The following TMTC2 variants were observed in gnomAD, a reference collection of about 807,000 sequenced individuals.
TMTC2 encodes protein O-mannosyl-transferase TMTC2.
In TMTC2, 43 loss-of-function variants were observed where a neutral mutation model predicts 82.4. The observed-to-expected ratio is 0.52, with a 90% CI of 0.41 to 0.67. The LOEUF is 0.67. Ranked by LOEUF, TMTC2 falls within the 30% of genes least tolerant of loss-of-function variation. The probability of loss-of-function intolerance (pLI) is 0.00; values close to 1 mark genes in which losing one functional copy is unlikely to be tolerated. For synonymous variants in TMTC2, 408 were observed against 381.9 expected (o/e 1.07, Z -0.80); for missense variants, 919 against 1,012.4 (o/e 0.91, Z 1.25).
At chr12:82,985,289 C>T (rs867317280) in intron 7 of TMTC2, among the ~76,000 whole-genome samples, 1 of 152,070 alleles carries the variant, frequency 6.6e-6, no homozygotes, top group Non-Finnish European at 1.5e-5. Context: ...TAGACTCAAG[C>T]TATCCGCCTG....
At chr12:82,830,999 G>T (rs1187971483) in intron 1 of TMTC2, among the ~76,000 whole-genome samples, 2 of 152,154 alleles carry the variant, frequency 1.3e-5, no homozygotes, top group Non-Finnish European at 2.9e-5. Flanking sequence ...AATAGATTTA[G>T]AGGTAGGTTA....
intron 8 of TMTC2, 84 bp from the exon 9 acceptor site, chr12:83,030,714 C>A: frequency 1.9e-6 from 2 of 1,045,282 alleles, no homozygotes; most frequent in Non-Finnish European, 2.9e-6. Context: ...ACCAAGTAGA[C>A]ATTTGGCTAC....
intron 1 of TMTC2, among the ~76,000 whole-genome samples, chr12:82,807,081 C>A (rs1459745707): frequency 6.6e-6 from 1 of 152,048 alleles, no homozygotes; most frequent in Non-Finnish European, 1.5e-5. Context: ...TAAATTCTAA[C>A]TAATTAATGG....
chr12:83,036,821 G>T (rs1881682217), intron 9 of TMTC2, among the ~76,000 whole-genome samples: 1 of 152,116 alleles, frequency 6.6e-6, no homozygotes, highest in Non-Finnish European at 1.5e-5. Flanking sequence ...TTTGCTTCTG[G>T]TGAGGGCTTT....
At chr12:83,011,713 C>T (rs116565429) in intron 8 of TMTC2, among the ~76,000 whole-genome samples, 2,435 of 152,180 alleles carry the variant, frequency 0.016, 79 homozygotes, top group African/African-American at 0.056. Context: ...AAAGTCCTAC[C>T]GAACTATACA....
chr12:82,766,596 C>G (rs1876974540), intron 1 of TMTC2, among the ~76,000 whole-genome samples: 1 of 152,160 alleles, frequency 6.6e-6, no homozygotes, highest in Admixed American at 6.6e-5. Flanking sequence ...TAGCCTACAT[C>G]TTATGAAGAT....
intron 1 of TMTC2, among the ~76,000 whole-genome samples, chr12:82,690,644 T>C (rs2136881974): frequency 6.6e-6 from 1 of 152,242 alleles, no homozygotes; most frequent in African/African-American, 2.4e-5. Flanking sequence ...AAACAAACAG[T>C]GGAGGAGAAG....
chr12:82,776,514 T>C (rs1877606485), intron 1 of TMTC2, among the ~76,000 whole-genome samples: 1 of 151,436 alleles, frequency 6.6e-6, no homozygotes, highest in African/African-American at 2.4e-5. Context: ...CTCTTGAATG[T>C]AATCTCAGCA....
chr12:82,868,383 G>C (rs1265703749), intron 2 of TMTC2, among the ~76,000 whole-genome samples: 1 of 152,144 alleles, frequency 6.6e-6, no homozygotes, highest in Non-Finnish European at 1.5e-5. Flanking sequence ...CCTTTTTCAA[G>C]GTTAATTCTT....
chr12:82,971,784 T>A (rs1878456642), intron 7 of TMTC2, among the ~76,000 whole-genome samples: 1 of 143,506 alleles, frequency 7.0e-6, no homozygotes, highest in African/African-American at 2.6e-5. Flanking sequence ...CAGTCTATAA[T>A]AACTGTTTAG....
Position 82,965,027 on chromosome 12 carries a change from G to A in TMTC2, c.1602G>A (p.Gly534=), listed in dbSNP as rs1878124521. 1 of 1,610,752 alleles carries A rather than the reference G, an allele frequency of 6.2e-7. No homozygotes were observed. Among genetic ancestry groups the A allele is most frequent in the Non-Finnish European group, 8.5e-7 (1 of 1,178,200 alleles). Residue 534 remains glycine, a synonymous_variant, in exon 5 of 12, where the codon GGG becomes GGA. Coordinates refer to ENST00000321196, the MANE Select transcript of TMTC2 (RefSeq NM_152588.3). ...SNMADMLYNL[G]LLLQENSRFA... ...AATTTCTGTTTTCCTCATGCAGAGG[G>A]CTACTTCTCCAGGAGAACAGCAGGT...
At chr12:82,903,614 C>T (rs1466388682) in intron 3 of TMTC2, among the ~76,000 whole-genome samples, 1 of 152,082 alleles carries the variant, frequency 6.6e-6, no homozygotes, top group African/African-American at 2.4e-5. Flanking sequence ...GGGGTTTCAC[C>T]GTGTTGGACA....
chr12:82,839,260 A>T (rs1870207258), intron 1 of TMTC2, among the ~76,000 whole-genome samples: 1 of 152,190 alleles, frequency 6.6e-6, no homozygotes, highest in African/African-American at 2.4e-5. Flanking sequence ...CCACTATAAC[A>T]TTTGGTCATC....
intron 1 of TMTC2, among the ~76,000 whole-genome samples, chr12:82,715,133 TGGTGGC>T (rs1873832849): frequency 6.6e-6 from 1 of 151,630 alleles, no homozygotes; most frequent in Non-Finnish European, 1.5e-5. Flanking sequence ...TAACCAGGCA[TGGTGGC>T]GGGTGCCTGT....
intron 1 of TMTC2, among the ~76,000 whole-genome samples, chr12:82,791,477 A>G (rs1878468485): frequency 6.6e-6 from 1 of 152,120 alleles, no homozygotes; most frequent in African/African-American, 2.4e-5. Context: ...AGTGAGAGCT[A>G]GGCTCTTTGT....
chr12:82,914,822 T>A (rs1263082680), intron 3 of TMTC2, among the ~76,000 whole-genome samples: 1 of 143,380 alleles, frequency 7.0e-6, no homozygotes, highest in African/African-American at 2.6e-5. Context: ...CACTTATTTT[T>A]TTTTTTTTTT....
chr12:82,767,009 T>C (rs1877002207), intron 1 of TMTC2, among the ~76,000 whole-genome samples: 1 of 152,186 alleles, frequency 6.6e-6, no homozygotes, highest in South Asian at 2.1e-4. Context: ...TTCACCATAT[T>C]GGATTGACAA....
chr12:83,051,346 A>T lies in TMTC2; in HGVS notation c.2267+328A>T, dbSNP rs138093379. On this transcript the variant is annotated intron_variant, in intron 10 of 11. Transcript: ENST00000321196. ...GCTATTATTAGTGTTACTGTATTTTATGTGTGGCCCCAAGACAATTCTTCT... is the reference window on the plus strand; with the variant it reads ...GCTATTATTAGTGTTACTGTATTTTTTGTGTGGCCCCAAGACAATTCTTCT... 1.3e-3 allele frequency among the ~76,000 whole-genome samples: 200 copies of T among 151,054 alleles called. 1 individual carries two copies. In the East Asian group the frequency reaches 0.013, roughly 10 times the overall value.
At chr12:82,786,598 G>A (rs772896493) in intron 1 of TMTC2, among the ~76,000 whole-genome samples, 18 of 152,256 alleles carry the variant, frequency 1.2e-4, no homozygotes, top group South Asian at 8.3e-4. Context: ...TTATTTTGAA[G>A]TAACACTGAT....
Sources: gnomAD v4.1 joint callset for allele counts (sites outside exome capture counted in the v4.1 genomes callset) on GRCh38, gnomAD v4.1.1 for gene constraint, MANE v1.5 for transcripts, NCBI Gene and HGNC (gene_info 2026-07-23, HGNC 2026-07-21) for gene names.